Variants in TMEM268 observed in about 807,000 individuals in gnomAD.
TMEM268 encodes transmembrane protein C9orf91.
In TMEM268, 24 loss-of-function variants were observed where a neutral mutation model predicts 39.1. The observed-to-expected ratio is 0.61, with a 90% CI of 0.44 to 0.86. The LOEUF is 0.86. TMEM268 is among the 40% of genes least tolerant of loss of function. The pLI is 0.00. For missense variants in TMEM268, 409 were observed against 428.6 expected (o/e 0.95, Z 0.40); for synonymous variants, 176 against 173.5 (o/e 1.01, Z -0.12).
At chr9:114,621,478 T>G (rs1489939431) in intron 2 of TMEM268, among the ~76,000 whole-genome samples, 3 of 152,144 alleles carry the variant, frequency 2.0e-5, no homozygotes, top group African/African-American at 7.2e-5. Flanking sequence ...TGAGAGTGTA[T>G]AGTCTGGTGG....
At chr9:114,612,152 A>G (rs554784889) in intron 1 of TMEM268, among the ~76,000 whole-genome samples, 21 of 152,248 alleles carry the variant, frequency 1.4e-4, no homozygotes, top group African/African-American at 4.8e-4. Context: ...ACAAAACCTG[A>G]CTTAGGAAAC....
chr9:114,620,383 G>A (rs1589333977), intron 2 of TMEM268, among the ~76,000 whole-genome samples: 1 of 151,874 alleles, frequency 6.6e-6, no homozygotes, highest in Non-Finnish European at 1.5e-5. Flanking sequence ...TAGCTGGGAC[G>A]ACAGGCACGT....
chr9:114,642,780 C>T (rs888084849), intron 8 of TMEM268, among the ~76,000 whole-genome samples: 2 of 152,096 alleles, frequency 1.3e-5, no homozygotes, highest in Non-Finnish European at 2.9e-5. Flanking sequence ...CATGCCTGGC[C>T]AGCTAGGCTT....
At chr9:114,623,727 T>C (rs760654766) in intron 2 of TMEM268, among the ~76,000 whole-genome samples, 11 of 152,224 alleles carry the variant, frequency 7.2e-5, no homozygotes, top group Admixed American at 2.0e-4. Context: ...AGGTTCCTTG[T>C]GATTTCATGG....
Position 114,637,056 on chromosome 9 carries a change from A to G in TMEM268, c.652A>G (p.Lys218Glu). 6.2e-7 allele frequency: 1 copy of G among 1,608,514 alleles called. No individual in the cohort carries two copies. The highest frequency in any genetic ancestry group is 8.5e-7 in the Non-Finnish European group (1 of 1,174,990). ...TTTGTCTGATCATGTTCAAGAAATG[A>G]AGACTAGCCAAGAGGTAAGATATCT... ...QFLSDHVQEMKTSQESLLRSR... is the reference protein window; with the variant it reads ...QFLSDHVQEMETSQESLLRSR... The change falls in exon 7 of 9, where the codon AAG (lysine) becomes GAG (glutamate). Residue 218 changes from lysine to glutamate, a missense_variant. Lys to Glu is a moderately conservative substitution (Grantham distance 56). Coordinates refer to ENST00000288502, the MANE Select transcript of TMEM268 (RefSeq NM_153045.4).
chr9:114,619,290 C>T (rs950953072), intron 2 of TMEM268, among the ~76,000 whole-genome samples: 8 of 105,086 alleles, frequency 7.6e-5, no homozygotes, highest in South Asian at 2.5e-4. Flanking sequence ...TGCGTGCACG[C>T]GTGCACACAC....
chr9:114,614,483 G>C (rs968131211), intron 1 of TMEM268, among the ~76,000 whole-genome samples: 1 of 152,102 alleles, frequency 6.6e-6, no homozygotes, highest in Non-Finnish European at 1.5e-5. Flanking sequence ...TTTTCATTTC[G>C]CATTGGGCCC....
At chr9:114,639,987 C>T (rs7857127) in intron 8 of TMEM268, among the ~76,000 whole-genome samples, 4,281 of 150,666 alleles carry the variant, frequency 0.028, 110 homozygotes, top group East Asian at 0.13. Context: ...TGAGCTCAAG[C>T]GATCCACCCG....
intron 2 of TMEM268, chr9:114,622,269 T>C: frequency 1.0e-6 from 1 of 985,366 alleles, no homozygotes. Flanking sequence ...ACTTATGCTT[T>C]AATCTCTTCT....
Position 114,628,184 on chromosome 9 carries a change from C to G in TMEM268, c.408C>G (p.Leu136=), listed in dbSNP as rs1041386561. ...ALGNHWAGML[L]VTLAAVSLTL... is the part of the protein sequence containing the mutation. ...GGAACCACTGGGCTGGCATGCTGCT[C>G]GTGACCCTGGCCGCGGTGAGCCTGA... Residue 136 remains leucine (L), a synonymous_variant, in exon 5 of 9, where the codon CTC becomes CTG. Transcript: ENST00000288502. The G allele has an allele frequency of 6.2e-7, 1 of 1,614,150 alleles. No individual in the cohort carries two copies. Among genetic ancestry groups the G allele is most frequent in the South Asian group, 1.1e-5 (1 of 91,080 alleles).
In TMEM268 at chr9:114,636,984, C is replaced by A. The variant is rs552938289; in HGVS notation, c.586-6C>A. On this transcript the variant is annotated splice_polypyrimidine_tract_variant and splice_region_variant and intron_variant, in intron 6 of 8. Coordinates refer to ENST00000288502, the MANE Select transcript of TMEM268 (RefSeq NM_153045.4). ...CCACGGTGGTCACTGCTGCTTCTCC[C>A]CACAGCTTTGGTTTGTCTACTTCGA... 16 of 1,610,770 alleles carry A rather than the reference C, an allele frequency of 9.9e-6. No individual in the cohort carries two copies. In the South Asian group the frequency reaches 1.7e-4, roughly 17 times the overall value.
At chr9:114,611,089 C>G (rs1042007505), upstream of TMEM268, 1 of 152,428 alleles carries the variant, frequency 6.6e-6, no homozygotes. Context: ...AAACAAAAAC[C>G]AAACCCAAGT....
At chr9:114,618,049 G>A (rs776182233) in intron 2 of TMEM268, among the ~76,000 whole-genome samples, 6 of 151,542 alleles carry the variant, frequency 4.0e-5, no homozygotes, top group Non-Finnish European at 5.9e-5. Context: ...GCTAATTTTC[G>A]TATTTTTAGT....
intron 1 of TMEM268, among the ~76,000 whole-genome samples, chr9:114,614,743 G>A (rs1469691690): frequency 6.6e-6 from 1 of 152,150 alleles, no homozygotes; most frequent in Non-Finnish European, 1.5e-5. Context: ...CATCCCAGGG[G>A]ACATAAGCCT....
chr9:114,614,006 C>A (rs10982330), intron 1 of TMEM268, among the ~76,000 whole-genome samples: 143,037 of 152,268 alleles, frequency 0.94, 67,306 homozygotes, highest in East Asian at 1. Flanking sequence ...TCTGGTGAGC[C>A]GAGTACTGGA....
chr9:114,609,725 G>GAA (rs747871752), upstream of TMEM268, among the ~76,000 whole-genome samples: 1 of 85,800 alleles, frequency 1.2e-5, no homozygotes, highest in Non-Finnish European at 2.2e-5. Flanking sequence ...AAAAGAAAAA[G>GAA]AAAAAGAAGG....
intron 8 of TMEM268, 45 bp downstream of exon 8, chr9:114,638,771 A>G: frequency 6.9e-7 from 1 of 1,450,230 alleles, no homozygotes; most frequent in Non-Finnish European, 9.2e-7. Context: ...CCTCGGGGGA[A>G]TTTGCATAGA....
Position 114,638,682 on chromosome 9 carries a change from A to G in TMEM268, c.805A>G (p.Met269Val), listed in dbSNP as rs1846752814. 2.5e-6 allele frequency: 4 copies of G among 1,604,406 alleles called. No homozygotes were observed. Among genetic ancestry groups the G allele is most frequent in the Non-Finnish European group, 3.4e-6 (4 of 1,175,814 alleles). ...GNSCPNERPL[M>V]QTELHQLVPE... ...TTCTTGTCCTAACGAGAGGCCACTC[A>G]TGCAGACTGAGCTTCATCAGCTTGT... is the stretch of plus-strand genomic sequence containing the variant. The change falls in exon 8 of 9, where the codon ATG (methionine) becomes GTG (valine). Residue 269 changes from methionine (M) to valine (V), a missense_variant. Met to Val is a conservative substitution (Grantham distance 21, BLOSUM62 1). Transcript: ENST00000288502.
intron 6 of TMEM268, among the ~76,000 whole-genome samples, chr9:114,634,711 C>T (rs1340926433): frequency 6.6e-6 from 1 of 152,158 alleles, no homozygotes; most frequent in Non-Finnish European, 1.5e-5. Context: ...GCTCCTCATG[C>T]ACCTGCCTCA....
Sources: allele counts gnomAD v4.1 joint callset (sites outside exome capture counted in the v4.1 genomes callset), GRCh38; gene constraint gnomAD v4.1.1; transcripts MANE v1.5; gene names NCBI Gene and HGNC (gene_info 2026-07-23, HGNC 2026-07-21).